Variants in GALNT13 observed in about 807,000 individuals in gnomAD.
GALNT13 encodes the protein polypeptide N-acetylgalactosaminyltransferase 13, also known as UDP-GalNAc:polypeptide N-acetylgalactosaminyltransferase 13.
GALNT13 carries 28 observed loss-of-function variants against 64.2 expected under a neutral mutation model. The observed-to-expected ratio is 0.44, with a 90% CI of 0.32 to 0.60. The LOEUF (loss-of-function observed/expected upper bound fraction) is 0.60, where lower values mean the gene tolerates loss of function less well. Among genes scored for constraint, GALNT13 ranks in the 20% least tolerant of loss-of-function variants. The pLI is 0.05. For synonymous variants in GALNT13, 214 were observed against 224.6 expected (o/e 0.95, Z 0.42); for missense variants, 577 against 669.8 (o/e 0.86, Z 1.53).
chr2:153,450,933 G>A, the GALNT13 span, among the ~76,000 whole-genome samples: 2 of 152,014 alleles, frequency 1.3e-5, no homozygotes, highest in South Asian at 4.1e-4. Context: ...TTTTAGTTAG[G>A]ACCTATCTAA....
chr2:153,404,777 T>C, the GALNT13 span, among the ~76,000 whole-genome samples: 1 of 152,214 alleles, frequency 6.6e-6, no homozygotes, highest in South Asian at 2.1e-4. Flanking sequence ...TATTTGAAAG[T>C]AAATTCAGTA....
intron 3 of GALNT13, among the ~76,000 whole-genome samples, chr2:154,126,139 C>G (rs1296564262): frequency 1.3e-5 from 2 of 152,142 alleles, no homozygotes; most frequent in Non-Finnish European, 1.5e-5. Context: ...CTTCCCTGCT[C>G]TTTCATCAAT....
chr2:154,059,868 T>C (rs941024538), intron 3 of GALNT13, among the ~76,000 whole-genome samples: 2 of 152,080 alleles, frequency 1.3e-5, no homozygotes, highest in African/African-American at 4.8e-5. Context: ...TACCAAGGTG[T>C]GGGCACGGTT....
chr2:153,122,825 C>A, the GALNT13 span, among the ~76,000 whole-genome samples: 4 of 152,096 alleles, frequency 2.6e-5, no homozygotes, highest in African/African-American at 4.8e-5. Context: ...CCCCCTCCCC[C>A]CAAAAATATA....
the GALNT13 span, among the ~76,000 whole-genome samples, chr2:153,166,399 T>C: frequency 7.2e-5 from 11 of 152,250 alleles, no homozygotes; most frequent in South Asian, 2.1e-3. Context: ...ATGGGTATAA[T>C]GAGAAAAACC....
chr2:154,062,988 G>C (rs916987984), intron 3 of GALNT13, among the ~76,000 whole-genome samples: 8 of 151,780 alleles, frequency 5.3e-5, no homozygotes, highest in African/African-American at 1.9e-4. Flanking sequence ...ATAGTGAACA[G>C]GATTCCTAAT....
intron 8 of GALNT13, among the ~76,000 whole-genome samples, chr2:154,290,792 C>T (rs929059356): frequency 4.6e-5 from 7 of 152,068 alleles, no homozygotes; most frequent in Non-Finnish European, 8.8e-5. Flanking sequence ...GATGTTCGGA[C>T]GTGTCTAGAG....
chr2:154,156,683 G>A (rs1221374915), intron 4 of GALNT13, among the ~76,000 whole-genome samples: 1 of 152,108 alleles, frequency 6.6e-6, no homozygotes, highest in East Asian at 1.9e-4. Context: ...CTGAGTATTT[G>A]CTCTCAACCA....
chr2:154,113,071 A>T (rs1048930399), intron 3 of GALNT13, among the ~76,000 whole-genome samples: 1 of 152,192 alleles, frequency 6.6e-6, no homozygotes, highest in Non-Finnish European at 1.5e-5. Context: ...TACAGGTGGC[A>T]TGGTGCCTTG....
chr2:153,525,231 G>A, the GALNT13 span, among the ~76,000 whole-genome samples: 7 of 152,154 alleles, frequency 4.6e-5, no homozygotes, highest in African/African-American at 1.7e-4. Context: ...CTTGCGCCCT[G>A]AATAACCAGC....
the GALNT13 span, among the ~76,000 whole-genome samples, chr2:153,197,216 CCT>C: frequency 6.6e-6 from 1 of 152,168 alleles, no homozygotes; most frequent in Non-Finnish European, 1.5e-5. Flanking sequence ...GTTTTCTAAA[CCT>C]GTTGTTAGGC....
At chr2:153,318,628 A>T in the GALNT13 span, among the ~76,000 whole-genome samples, 1 of 152,214 alleles carries the variant, frequency 6.6e-6, no homozygotes, top group Non-Finnish European at 1.5e-5. Context: ...CTTTGTTTCC[A>T]GCTGGGCCTG....
chr2:154,389,977 G>A (rs903240408), intron 9 of GALNT13, among the ~76,000 whole-genome samples: 19 of 152,104 alleles, frequency 1.2e-4, no homozygotes, highest in African/African-American at 4.6e-4. Context: ...CCTTCAAAAT[G>A]TCTGGGTGGC....
chr2:153,093,758 GTTC>G, the GALNT13 span, among the ~76,000 whole-genome samples: 1 of 152,116 alleles, frequency 6.6e-6, no homozygotes, highest in East Asian at 1.9e-4. Context: ...ATTGATGTTA[GTTC>G]TTCTTTAAAT....
chr2:153,696,648 A>G, the GALNT13 span, among the ~76,000 whole-genome samples: 2 of 152,194 alleles, frequency 1.3e-5, no homozygotes, highest in East Asian at 1.9e-4. Context: ...TAAGTTATGC[A>G]TATGTAGTCA....
the GALNT13 span, among the ~76,000 whole-genome samples, chr2:153,815,759 T>C: frequency 6.6e-6 from 1 of 152,218 alleles, no homozygotes; most frequent in African/African-American, 2.4e-5. Context: ...TCATAATATC[T>C]TGAGGAAAGT....
chr2:153,116,112 T>A, the GALNT13 span, among the ~76,000 whole-genome samples: 1 of 152,166 alleles, frequency 6.6e-6, no homozygotes, highest in South Asian at 2.1e-4. Flanking sequence ...ACAAGGAGAT[T>A]TAAATTAGTA....
chr2:154,225,654 A>G (rs1489665882), intron 4 of GALNT13, among the ~76,000 whole-genome samples: 6 of 152,144 alleles, frequency 3.9e-5, no homozygotes, highest in Non-Finnish European at 7.4e-5. Context: ...GGAGATTAAC[A>G]GGAAAGAAAA....
At chr2:153,637,619 G>C in the GALNT13 span, among the ~76,000 whole-genome samples, 2 of 152,212 alleles carry the variant, frequency 1.3e-5, no homozygotes, top group East Asian at 3.9e-4. Flanking sequence ...GCCTTTAGAT[G>C]CATGTTATCA....
Sources: gnomAD v4.1 joint callset for allele counts (sites outside exome capture counted in the v4.1 genomes callset) on GRCh38, gnomAD v4.1.1 for gene constraint, MANE v1.5 for transcripts, NCBI Gene and HGNC (gene_info 2026-07-23, HGNC 2026-07-21) for gene names.